FBXO16: variants seen among roughly 807,000 people sequenced by gnomAD.
The protein encoded by FBXO16 is F-box protein 16.
FBXO16 carries 31 observed loss-of-function variants against 41.0 expected under a neutral mutation model. The observed-to-expected ratio is 0.76, with a 90% CI of 0.57 to 1.02. The LOEUF (loss-of-function observed/expected upper bound fraction) is 1.02. FBXO16 is among the 50% of genes least tolerant of loss of function. The pLI is 0.00. For synonymous variants in FBXO16, 133 were observed against 117.8 expected (o/e 1.13, Z -0.84); for missense variants, 361 against 346.2 (o/e 1.04, Z -0.34).
intron 7 of FBXO16, among the ~76,000 whole-genome samples, chr8:28,441,770 A>G (rs1585894079): frequency 6.8e-6 from 1 of 147,690 alleles, no homozygotes; most frequent in East Asian, 2.0e-4. Flanking sequence ...AAAATATTGT[A>G]TGTCTTTACA....
At chr8:28,446,718 A>G (rs1802869945) in intron 7 of FBXO16, among the ~76,000 whole-genome samples, 1 of 151,862 alleles carries the variant, frequency 6.6e-6, no homozygotes, top group African/African-American at 2.4e-5. Flanking sequence ...CTAAAAATAC[A>G]AAAATTAGCT....
intron 7 of FBXO16, among the ~76,000 whole-genome samples, chr8:28,439,825 A>G (rs1802739983): frequency 6.7e-6 from 1 of 150,338 alleles, no homozygotes; most frequent in Admixed American, 6.7e-5. Flanking sequence ...GAAGTATATC[A>G]AAGATTGCCT....
At chr8:28,460,331 C>T (rs532227527) in intron 4 of FBXO16, among the ~76,000 whole-genome samples, 1 of 121,578 alleles carries the variant, frequency 8.2e-6, no homozygotes, top group East Asian at 2.8e-4. Flanking sequence ...TTACTGTAGC[C>T]TTCAACCCCC....
intron 6 of FBXO16, among the ~76,000 whole-genome samples, chr8:28,451,990 G>A (rs1328328725): frequency 1.8e-5 from 2 of 112,548 alleles, no homozygotes; most frequent in African/African-American, 7.3e-5. Flanking sequence ...TCCAGACTAC[G>A]TCTCAAAAAA....
chr8:28,449,907 G>T (rs1055688514), intron 6 of FBXO16, among the ~76,000 whole-genome samples: 3 of 150,936 alleles, frequency 2.0e-5, no homozygotes, highest in Non-Finnish European at 4.4e-5. Flanking sequence ...AGGAGGCAGA[G>T]GTTGCAGTGA....
chr8:28,456,919 A>T lies in FBXO16; in HGVS notation c.354T>A (p.His118Gln). ...GGTCCAGCTCAGCAAGGTTCTTCCA[A>T]TGCCAGCACACCTGGAAAAACAATT... ...SLCRCAQVCW[H>Q]WKNLAELDQL... is the part of the protein sequence containing the mutation. The change falls in exon 5 of 9, where the codon CAT becomes CAA. Residue 118 changes from histidine to glutamine, a missense_variant. By Grantham distance (24) the His-to-Gln change is conservative (BLOSUM62 0). Transcript: ENST00000380254. 6.2e-7 allele frequency: 1 copy of T among 1,612,902 alleles called. No homozygotes were observed. Among genetic ancestry groups the T allele is most frequent in the Non-Finnish European group, 8.5e-7 (1 of 1,179,440 alleles).
intron 2 of FBXO16, among the ~76,000 whole-genome samples, chr8:28,481,560 C>A (rs1349374866): frequency 6.6e-6 from 1 of 151,314 alleles, no homozygotes. Context: ...GCCTGTAATC[C>A]CAGCACTTTG....
intron 1 of FBXO16, among the ~76,000 whole-genome samples, chr8:28,488,691 G>A (rs1430104507): frequency 6.6e-6 from 1 of 152,120 alleles, no homozygotes; most frequent in African/African-American, 2.4e-5. Context: ...ATAAGAGTCT[G>A]CTTTAATGGA....
rs1803376284 is a variant in FBXO16, at chr8:28,473,875, A to G, written c.100-68T>C. 6.7e-6 allele frequency: 8 copies of G among 1,202,804 alleles called. No individual in the cohort carries two copies. In the East Asian group the frequency reaches 1.9e-4, roughly 29 times the overall value. 74.5% of individuals were successfully genotyped at this position (1,202,804 alleles called of 1,614,324 possible). On this transcript the variant is annotated intron_variant, in intron 2 of 8. Transcript: ENST00000380254. ...GTTCAAAATACCCATTACAAGAAAGATACCATTAAGGGATCGGTGAATAAA... is the reference window on the plus strand; with the variant it reads ...GTTCAAAATACCCATTACAAGAAAGGTACCATTAAGGGATCGGTGAATAAA...
chr8:28,442,007 G>C (rs543005024), intron 7 of FBXO16, among the ~76,000 whole-genome samples: 1 of 144,206 alleles, frequency 6.9e-6, no homozygotes, highest in Non-Finnish European at 1.5e-5. Flanking sequence ...GCAGTGGCGC[G>C]ATCTCAGCTC....
chr8:28,488,817 G>C (rs932219908), intron 1 of FBXO16, among the ~76,000 whole-genome samples: 7 of 152,110 alleles, frequency 4.6e-5, no homozygotes, highest in Non-Finnish European at 7.3e-5. Context: ...TCGCGTGGAA[G>C]TCTAGGTCTG....
At chr8:28,433,625 T>C (rs1423122303) in intron 7 of FBXO16, among the ~76,000 whole-genome samples, 1 of 152,222 alleles carries the variant, frequency 6.6e-6, no homozygotes, top group Non-Finnish European at 1.5e-5. Flanking sequence ...CTGTATCTTA[T>C]GATTATCTCC....
intron 4 of FBXO16, among the ~76,000 whole-genome samples, chr8:28,462,421 G>A (rs1185117375): frequency 1.3e-5 from 2 of 151,970 alleles, no homozygotes; most frequent in African/African-American, 4.8e-5. Flanking sequence ...TGGGACTACA[G>A]GCGCCCGCCA....
chr8:28,437,640 A>C (rs1802706467), intron 7 of FBXO16, among the ~76,000 whole-genome samples: 1 of 152,222 alleles, frequency 6.6e-6, no homozygotes, highest in Admixed American at 6.5e-5. Context: ...GGGGAGGCCA[A>C]GGCGGGAGGA....
Position 28,428,519 on chromosome 8 carries a change from G to A in FBXO16, c.*208C>T. 6.6e-7 allele frequency: 1 copy of A among 1,524,048 alleles called. No homozygotes were observed. Among genetic ancestry groups the A allele is most frequent in the East Asian group, 2.5e-5 (1 of 40,616 alleles). The allele number at this position is 1,524,048 out of a possible 1,614,324, so 94.4% of individuals were successfully genotyped here. A position where few individuals can be genotyped will look rare whatever the true frequency, so the allele number is the denominator to read the frequency against. On this transcript the variant is annotated 3_prime_UTR_variant, in exon 9 of 9. Transcript: ENST00000380254. ...CCAAGTAAATTCAGCTCTCCACTGT[G>A]CAAAGCATCTTGTCATTTCTATAAT...
chr8:28,487,214 C>G (rs1803615922), intron 1 of FBXO16, among the ~76,000 whole-genome samples: 1 of 152,014 alleles, frequency 6.6e-6, no homozygotes, highest in African/African-American at 2.4e-5. Flanking sequence ...CAGGAAGCAG[C>G]CCTCTTGGCC....
At chr8:28,473,881 T>C in intron 2 of FBXO16, 74 bp from the exon 3 acceptor site, 1 of 1,107,744 alleles carries the variant, frequency 9.0e-7, no homozygotes, top group Non-Finnish European at 1.3e-6. Flanking sequence ...AAAGATACCA[T>C]TAAGGGATCG....
chr8:28,481,406 G>A (rs1310221436), intron 2 of FBXO16, among the ~76,000 whole-genome samples: 1 of 152,022 alleles, frequency 6.6e-6, no homozygotes, highest in Non-Finnish European at 1.5e-5. Flanking sequence ...TTGGGAGGAG[G>A]ACTCAGAGTA....
chr8:28,432,717 C>T (rs1002935042), intron 7 of FBXO16, among the ~76,000 whole-genome samples: 1 of 152,158 alleles, frequency 6.6e-6, no homozygotes, highest in African/African-American at 2.4e-5. Flanking sequence ...TTGCCAATGG[C>T]CATGCCGTCC....
Sources: gnomAD v4.1 joint callset for allele counts (sites outside exome capture counted in the v4.1 genomes callset) on GRCh38, gnomAD v4.1.1 for gene constraint, MANE v1.5 for transcripts, NCBI Gene and HGNC (gene_info 2026-07-23, HGNC 2026-07-21) for gene names.